Variants in DAB1 observed in about 807,000 individuals in gnomAD.
The protein encoded by DAB1 is disabled homolog 1.
Under a neutral mutation model 64.6 loss-of-function variants are expected in DAB1, and 15 were observed. That is an observed-to-expected ratio of 0.23 (90% CI 0.16 to 0.36). DAB1 has a LOEUF of 0.36. Ranked by LOEUF, DAB1 falls within the 10% of genes least tolerant of loss-of-function variation. The pLI is 1.00. For missense variants in DAB1, 596 were observed against 706.7 expected (o/e 0.84, Z 1.78); for synonymous variants, 235 against 251.9 (o/e 0.93, Z 0.64).
chr1:57,206,968 C>CTTTTTTTTTTTTTTTTTTT (rs201111039), intron 2 of DAB1, among the ~76,000 whole-genome samples: 2 of 84,476 alleles, frequency 2.4e-5, no homozygotes, highest in African/African-American at 9.8e-5. Context: ...TCCTTCCTTC[C>CTTTTTTTTTTTTTTTTTTT]TTTTTTTTTT....
At chr1:57,270,022 G>A (rs1670872506) in intron 2 of DAB1, among the ~76,000 whole-genome samples, 1 of 152,182 alleles carries the variant, frequency 6.6e-6, no homozygotes, top group South Asian at 2.1e-4. Flanking sequence ...CCTTTGAAAA[G>A]CCCGAGCTCT....
intron 5 of DAB1, among the ~76,000 whole-genome samples, chr1:57,931,497 C>T (rs935091696): frequency 2.5e-4 from 38 of 152,316 alleles, no homozygotes; most frequent in African/African-American, 7.5e-4. Flanking sequence ...CCTTCTGTTT[C>T]GCAAGGTTAT....
At chr1:57,214,917 A>G (rs1164325967) in intron 2 of DAB1, among the ~76,000 whole-genome samples, 1 of 150,768 alleles carries the variant, frequency 6.6e-6, no homozygotes, top group East Asian at 1.9e-4. Flanking sequence ...TCTCAAAAAA[A>G]AAAAAAAAAA....
At chr1:58,137,241 T>C (rs1432523625) in intron 5 of DAB1, among the ~76,000 whole-genome samples, 1 of 152,252 alleles carries the variant, frequency 6.6e-6, no homozygotes, top group Non-Finnish European at 1.5e-5. Flanking sequence ...CTAAGTCCGT[T>C]GTTTTACACT....
intron 6 of DAB1, among the ~76,000 whole-genome samples, chr1:57,762,789 G>A (rs1379145151): frequency 6.6e-6 from 1 of 152,132 alleles, no homozygotes; most frequent in African/African-American, 2.4e-5. Flanking sequence ...GAATTGCCCA[G>A]AGCCTGGATC....
At chr1:57,653,276 T>G (rs1382588484) in intron 6 of DAB1, among the ~76,000 whole-genome samples, 4 of 152,212 alleles carry the variant, frequency 2.6e-5, no homozygotes, top group Non-Finnish European at 5.9e-5. Flanking sequence ...AATACATAGT[T>G]GTATTCATAA....
intron 4 of DAB1, among the ~76,000 whole-genome samples, chr1:58,204,901 C>T (rs1291000476): frequency 2.0e-5 from 3 of 152,064 alleles, no homozygotes; most frequent in Non-Finnish European, 4.4e-5. Flanking sequence ...TCCTATGAAC[C>T]ATCAAAATCT....
At position 58,359,798 on chromosome 1, in the gene DAB1, T is replaced by TA. The variant is rs1569682221; in HGVS notation, n.258-16396dup. ...CGTTGCCACTGGAAGATGATGATGA[T>TA]AACAAAGATGATGATGGAGAGGACT... On this transcript the variant is annotated intron_variant and non_coding_transcript_variant, in intron 3 of 20. Transcript: ENST00000485760. Among the ~76,000 whole-genome samples the TA allele has an allele frequency of 2.0e-5, 3 of 152,260 alleles. No homozygotes were observed. The East Asian group carries it at 5.8e-4, about 29-fold the overall frequency.
chr1:57,355,303 C>G (rs1678991893), intron 1 of DAB1, among the ~76,000 whole-genome samples: 1 of 151,422 alleles, frequency 6.6e-6, no homozygotes, highest in Non-Finnish European at 1.5e-5. Flanking sequence ...TTGGTTCTTA[C>G]CTACCTACTT....
rs1173269221 is a variant in DAB1, at chr1:57,936,182, C to T, written n.388-52020G>A. On this transcript the variant is annotated intron_variant and non_coding_transcript_variant, in intron 5 of 20. Coordinates refer to the DAB1 transcript ENST00000485760. ...AATAATCAGCCTTGAGAATGGAAGA[C>T]TCACACAGCAGTAACTCACATGTTT... Among the ~76,000 whole-genome samples the T allele has an allele frequency of 2.0e-5, 3 of 152,226 alleles. No individual in the cohort carries two copies. The East Asian group carries it at 5.8e-4, about 29-fold the overall frequency.
intron 1 of DAB1, among the ~76,000 whole-genome samples, chr1:57,855,124 G>A (rs577903399): frequency 6.6e-6 from 1 of 152,276 alleles, no homozygotes; most frequent in Non-Finnish European, 1.5e-5. Context: ...CTGAAAGAAA[G>A]AAGGCTGTGA....
intron 1 of DAB1, among the ~76,000 whole-genome samples, chr1:57,839,964 C>T (rs1388933157): frequency 2.0e-5 from 3 of 152,136 alleles, no homozygotes; most frequent in Non-Finnish European, 2.9e-5. Flanking sequence ...AAGAGACAGG[C>T]ATGGAGGGAG....
At chr1:57,596,383 C>T (rs1421133485) in intron 7 of DAB1, among the ~76,000 whole-genome samples, 2 of 152,278 alleles carry the variant, frequency 1.3e-5, no homozygotes, top group South Asian at 2.1e-4. Context: ...TTGTTTACTC[C>T]GAGCACCTGA....
chr1:57,913,880 C>T (rs1308462083), intron 5 of DAB1, among the ~76,000 whole-genome samples: 4 of 152,196 alleles, frequency 2.6e-5, no homozygotes, highest in Non-Finnish European at 5.9e-5. Flanking sequence ...AAATGCAAAT[C>T]AAAACCACAT....
At chr1:58,236,479 A>G (rs991499584) in intron 4 of DAB1, among the ~76,000 whole-genome samples, 4 of 152,180 alleles carry the variant, frequency 2.6e-5, no homozygotes, top group African/African-American at 4.8e-5. Flanking sequence ...GGCAAAAAAC[A>G]AAAACAAAAA....
rs528281761 is a variant in DAB1 at position 58,079,218 on chromosome 1, C to T, written n.387+71293G>A. Among the ~76,000 whole-genome samples, 93 of 152,304 alleles carry T rather than the reference C, an allele frequency of 6.1e-4. 1 individual carries two copies. In the South Asian group the frequency reaches 0.018, roughly 30 times the overall value. Reference sequence around the variant, plus strand: ...AGGACACTGCAGGTCTCATGGCCCACTATCACCTAGGGCTCCCCTCAGACA... The same window carrying T: ...AGGACACTGCAGGTCTCATGGCCCATTATCACCTAGGGCTCCCCTCAGACA... On this transcript the variant is annotated intron_variant and non_coding_transcript_variant, in intron 5 of 20. Transcript: ENST00000485760.
intron 4 of DAB1, among the ~76,000 whole-genome samples, chr1:58,199,664 CATT>C (rs1657892725): frequency 1.3e-5 from 2 of 152,192 alleles, no homozygotes; most frequent in South Asian, 4.1e-4. Flanking sequence ...AAGAAAATAA[CATT>C]GTTATCAAGA....
At chr1:58,352,157 A>G (rs1644064839) in intron 3 of DAB1, among the ~76,000 whole-genome samples, 1 of 151,912 alleles carries the variant, frequency 6.6e-6, no homozygotes. Flanking sequence ...CACTTCCTAC[A>G]GTGCACATGC....
intron 4 of DAB1, among the ~76,000 whole-genome samples, chr1:58,252,036 C>G (rs1025782675): frequency 6.6e-6 from 1 of 152,206 alleles, no homozygotes; most frequent in African/African-American, 2.4e-5. Flanking sequence ...TCTGAGTATC[C>G]TTTTCCTTAA....
Sources: gnomAD v4.1 joint callset for allele counts (sites outside exome capture counted in the v4.1 genomes callset) on GRCh38, gnomAD v4.1.1 for gene constraint, MANE v1.5 for transcripts, NCBI Gene and HGNC (gene_info 2026-07-23, HGNC 2026-07-21) for gene names.